Variants in OCA2 observed in about 807,000 individuals in gnomAD.
OCA2 encodes OCA2 melanosomal transmembrane protein, also known as P protein.
A neutral mutation model predicts 100.2 loss-of-function variants in OCA2; 77 were observed. That is an observed-to-expected ratio of 0.77 (90% CI 0.64 to 0.93). OCA2 has a LOEUF of 0.93. OCA2 is among the 40% of genes least tolerant of loss of function. OCA2 has a pLI of 0.00. For missense variants in OCA2, 1,062 were observed against 1,089.1 expected, an observed-to-expected ratio of 0.98 and a Z score of 0.35; for synonymous variants, 432 against 439.2, an observed-to-expected ratio of 0.98 and a Z score of 0.21.
At chr15:27,807,337 G>T (rs1186284050) in intron 23 of OCA2, among the ~76,000 whole-genome samples, 1 of 152,140 alleles carries the variant, frequency 6.6e-6, no homozygotes, top group Non-Finnish European at 1.5e-5. Flanking sequence ...GCAGCTGGGG[G>T]AGTCTTTGCT....
chr15:27,796,142 T>C (rs1272887022), intron 23 of OCA2, among the ~76,000 whole-genome samples: 1 of 152,234 alleles, frequency 6.6e-6, no homozygotes, highest in African/African-American at 2.4e-5. Flanking sequence ...TTCACACATC[T>C]ACTCTCTGAC....
intron 23 of OCA2, among the ~76,000 whole-genome samples, chr15:27,839,567 G>C (rs1247714337): frequency 5.9e-5 from 9 of 152,206 alleles, no homozygotes; most frequent in Non-Finnish European, 1.2e-4. Context: ...GCATGACAGA[G>C]GGGATGTTTA....
intron 18 of OCA2, among the ~76,000 whole-genome samples, chr15:27,950,899 G>A (rs2040003484): frequency 6.6e-6 from 1 of 152,166 alleles, no homozygotes; most frequent in South Asian, 2.1e-4. Context: ...TAAGATAAAA[G>A]TTGGGTATTT....
At chr15:28,072,641 G>A (rs535914376) in intron 2 of OCA2, among the ~76,000 whole-genome samples, 31 of 149,770 alleles carry the variant, frequency 2.1e-4, no homozygotes, top group South Asian at 8.5e-4. Flanking sequence ...GGCAAAGGAC[G>A]TGAACAGATA....
chr15:27,836,206 G>A (rs1410905832), intron 23 of OCA2, among the ~76,000 whole-genome samples: 2 of 152,158 alleles, frequency 1.3e-5, no homozygotes, highest in Non-Finnish European at 1.5e-5. Context: ...ATTTTACGTC[G>A]AGGTGCAAAC....
chr15:28,033,177 C>T (rs1200644147), intron 2 of OCA2, among the ~76,000 whole-genome samples: 2 of 152,234 alleles, frequency 1.3e-5, no homozygotes, highest in Non-Finnish European at 2.9e-5. Flanking sequence ...CATTAAAGGA[C>T]ACATGATGTT....
intron 2 of OCA2, among the ~76,000 whole-genome samples, chr15:28,039,018 T>G (rs1047758053): frequency 6.6e-6 from 1 of 151,722 alleles, no homozygotes; most frequent in Non-Finnish European, 1.5e-5. Context: ...CAAAAGAGAG[T>G]TAAGACGAAA....
chr15:27,770,088 C>A (rs983895561), intron 23 of OCA2, among the ~76,000 whole-genome samples: 1 of 152,240 alleles, frequency 6.6e-6, no homozygotes, highest in Non-Finnish European at 1.5e-5. Context: ...GCAGTGCCCC[C>A]CACCCCCAGC....
chr15:27,737,425 T>C, the OCA2 span, among the ~76,000 whole-genome samples: 1 of 152,182 alleles, frequency 6.6e-6, no homozygotes, highest in East Asian at 1.9e-4. Context: ...CTGCAGTTAT[T>C]AAAACAGGGA....
chr15:27,812,941 A>C (rs1595452695), intron 23 of OCA2, among the ~76,000 whole-genome samples: 1 of 150,286 alleles, frequency 6.7e-6, no homozygotes, highest in Admixed American at 6.6e-5. Flanking sequence ...CCTCCTCCCC[A>C]CTTCCCCACA....
chr15:28,007,902 T>G (rs1415716629), intron 9 of OCA2, among the ~76,000 whole-genome samples: 1 of 152,240 alleles, frequency 6.6e-6, no homozygotes, highest in African/African-American at 2.4e-5. Context: ...GCTGATCCTT[T>G]GTTCCCATTC....
At chr15:27,863,476 G>A (rs192972951) in intron 21 of OCA2, among the ~76,000 whole-genome samples, 14 of 152,218 alleles carry the variant, frequency 9.2e-5, no homozygotes, top group South Asian at 4.2e-4. Flanking sequence ...TGGGTCACCC[G>A]GCACCTTGTC....
chr15:27,896,162 T>C, intron 19 of OCA2: 2 of 943,990 alleles, frequency 2.1e-6, no homozygotes, highest in Admixed American at 3.4e-5. Flanking sequence ...CCAGTGGCAA[T>C]GAAGTTTTTG....
intron 19 of OCA2, among the ~76,000 whole-genome samples, chr15:27,873,772 T>A (rs2036678576): frequency 6.6e-6 from 1 of 152,184 alleles, no homozygotes; most frequent in African/African-American, 2.4e-5. Context: ...ATAAATGATC[T>A]CTTAATTTAA....
chr15:27,942,214 A>AATATATGATATT (rs1285804288), intron 18 of OCA2, among the ~76,000 whole-genome samples: 1 of 147,950 alleles, frequency 6.8e-6, no homozygotes. Flanking sequence ...TACTATATAT[A>AATATATGATATT]ATATATGATA....
chr15:28,007,977 T>G (rs1393514109), intron 9 of OCA2, among the ~76,000 whole-genome samples: 1 of 152,198 alleles, frequency 6.6e-6, no homozygotes, highest in Admixed American at 6.5e-5. Context: ...AGGAGCCAAG[T>G]TAGACCAGAC....
chr15:28,024,815 C>A, intron 5 of OCA2, 30 bp downstream of exon 5: 1 of 1,613,664 alleles, frequency 6.2e-7, no homozygotes, highest in African/African-American at 1.3e-5. Flanking sequence ...ACGGACCCAA[C>A]AGTAGTGCTG....
At chr15:28,063,073 G>A (rs1018674110) in intron 2 of OCA2, among the ~76,000 whole-genome samples, 2 of 152,124 alleles carry the variant, frequency 1.3e-5, no homozygotes, top group African/African-American at 4.8e-5. Flanking sequence ...CAGGATCAGT[G>A]TGCTGAAAAT....
In OCA2 at chr15:27,951,789, T is replaced by A. The variant is rs762928598; in HGVS notation, c.1946A>T (p.Asp649Val). Reference protein sequence around the residue: ...LNSFVPGIHLDLGWIAILGAI... With the variant: ...LNSFVPGIHLVLGWIAILGAI... ...CAAAGCTAAATTAGACTCACCAAGA[T>A]CAAGATGAATGCCAGGGACAAACGA... is the stretch of plus-strand genomic sequence containing the variant. The change falls in exon 18 of 24, where the codon GAT (aspartate) becomes GTT (valine). Residue 649 changes from aspartate (D) to valine (V), a missense_variant. Physicochemically the swap from Asp to Val is radical, Grantham distance 152. Transcript: ENST00000354638. The A allele has an allele frequency of 1.2e-6, 2 of 1,603,350 alleles. No individual in the cohort carries two copies. The highest frequency in any genetic ancestry group is 3.3e-5 in the Admixed American group (2 of 60,006).
Sources: gnomAD v4.1 joint callset for allele counts (sites outside exome capture counted in the v4.1 genomes callset) on GRCh38, gnomAD v4.1.1 for gene constraint, MANE v1.5 for transcripts, NCBI Gene and HGNC (gene_info 2026-07-23, HGNC 2026-07-21) for gene names.